Variants in BRD10 observed in about 807,000 individuals in gnomAD.
The protein encoded by BRD10 is bromodomain containing 10.
chr9:5,892,678 C>G, the BRD10 span: 1 of 711,962 alleles, frequency 1.4e-6, no homozygotes, highest in Non-Finnish European at 2.2e-6. Flanking sequence ...AGTAACATCC[C>G]TGGCAACAAG....
the BRD10 span, among the ~76,000 whole-genome samples, chr9:5,926,195 C>T: frequency 1.2e-4 from 19 of 152,076 alleles, no homozygotes; most frequent in African/African-American, 3.9e-4. Context: ...GGATTACAGG[C>T]GTGAATCACT....
At chr9:5,968,158 TTTC>T in the BRD10 span, 9 of 1,598,686 alleles carry the variant, frequency 5.6e-6, no homozygotes, top group East Asian at 9.0e-5. Context: ...CATCTTTCAA[TTTC>T]TTTTTTTTCT....
chr9:5,892,444 T>G, the BRD10 span: 1 of 1,598,770 alleles, frequency 6.3e-7, no homozygotes, highest in Non-Finnish European at 8.5e-7. Flanking sequence ...ATGCTCCTTC[T>G]GTTAGGTGTC....
the BRD10 span, among the ~76,000 whole-genome samples, chr9:5,993,091 G>A: frequency 6.6e-6 from 1 of 152,016 alleles, no homozygotes; most frequent in African/African-American, 2.4e-5. Flanking sequence ...CAAGGCGGGT[G>A]GATCAAATGA....
chr9:6,000,333 C>T, the BRD10 span, among the ~76,000 whole-genome samples: 1 of 152,080 alleles, frequency 6.6e-6, no homozygotes, highest in South Asian at 2.1e-4. Flanking sequence ...GGTAACTTAA[C>T]ATGAATTTTA....
the BRD10 span, among the ~76,000 whole-genome samples, chr9:5,982,751 A>G: frequency 2.0e-5 from 3 of 152,196 alleles, no homozygotes; most frequent in African/African-American, 7.2e-5. Context: ...TAAGACATCC[A>G]GCTTTCTGAC....
the BRD10 span, among the ~76,000 whole-genome samples, chr9:5,998,481 A>T: frequency 6.6e-6 from 1 of 152,068 alleles, no homozygotes; most frequent in African/African-American, 2.4e-5. Context: ...TACTCCTTCA[A>T]ATCTTTTATG....
chr9:5,888,602 G>T, the BRD10 span, among the ~76,000 whole-genome samples: 2 of 152,336 alleles, frequency 1.3e-5, no homozygotes, highest in South Asian at 4.1e-4. Flanking sequence ...GAATGTACAG[G>T]GCAGTGGTGG....
the BRD10 span, chr9:5,897,615 T>A: frequency 6.2e-7 from 1 of 1,614,120 alleles, no homozygotes; most frequent in Non-Finnish European, 8.5e-7. Flanking sequence ...CATCGGCTGT[T>A]GGTATTGTAG....
chr9:5,886,689 G>A, the BRD10 span, among the ~76,000 whole-genome samples: 1 of 152,194 alleles, frequency 6.6e-6, no homozygotes, highest in African/African-American at 2.4e-5. Context: ...GCCTGACTTG[G>A]GCTGGCTTTG....
chr9:6,005,594 TTCAG>T, the BRD10 span, among the ~76,000 whole-genome samples: 1 of 152,206 alleles, frequency 6.6e-6, no homozygotes, highest in East Asian at 1.9e-4. Context: ...AGCACTTTCA[TTCAG>T]TCATTCTCTT....
At chr9:5,945,019 G>A in the BRD10 span, 2 of 765,982 alleles carry the variant, frequency 2.6e-6, no homozygotes, top group East Asian at 3.1e-5. Flanking sequence ...CCCAAAATGT[G>A]GTAACAGAAG....
At chr9:5,998,117 A>C in the BRD10 span, among the ~76,000 whole-genome samples, 3 of 152,162 alleles carry the variant, frequency 2.0e-5, no homozygotes, top group Non-Finnish European at 2.9e-5. Flanking sequence ...AAACAAAAAA[A>C]AGAAAAGTTC....
chr9:5,907,912 C>T, the BRD10 span, among the ~76,000 whole-genome samples: 25 of 152,326 alleles, frequency 1.6e-4, no homozygotes, highest in Non-Finnish European at 2.6e-4. Flanking sequence ...GAGATAGTGC[C>T]ACTGCACTCC....
chr9:5,940,053 T>C, the BRD10 span, among the ~76,000 whole-genome samples: 1 of 152,254 alleles, frequency 6.6e-6, no homozygotes. Flanking sequence ...GAAGTATTAT[T>C]ATTGTATTCT....
chr9:5,950,205 G>A, the BRD10 span, among the ~76,000 whole-genome samples: 5 of 152,128 alleles, frequency 3.3e-5, no homozygotes, highest in Admixed American at 2.6e-4. Flanking sequence ...TTATTTCAAG[G>A]TTTTAAGTAA....
At chr9:5,934,275 A>G in the BRD10 span, among the ~76,000 whole-genome samples, 1 of 151,704 alleles carries the variant, frequency 6.6e-6, no homozygotes, top group Non-Finnish European at 1.5e-5. Context: ...AGCACAGAAC[A>G]TTTTTTGTTA....
At chr9:5,887,396 C>G in the BRD10 span, among the ~76,000 whole-genome samples, 28 of 152,244 alleles carry the variant, frequency 1.8e-4, no homozygotes, top group Non-Finnish European at 3.2e-4. Flanking sequence ...TTGTCTCCAC[C>G]CTGGAAGAAT....
At chr9:5,923,377 T>A in the BRD10 span, 1 of 1,209,658 alleles carries the variant, frequency 8.3e-7, no homozygotes, top group Non-Finnish European at 1.2e-6. Flanking sequence ...ACATCAACTG[T>A]AAAAAAGAAA....
Sources: allele counts gnomAD v4.1 joint callset (sites outside exome capture counted in the v4.1 genomes callset), GRCh38; gene constraint gnomAD v4.1.1; transcripts MANE v1.5; gene names NCBI Gene and HGNC (gene_info 2026-07-23, HGNC 2026-07-21).